Variants in UBE2Q2 observed in about 807,000 individuals in gnomAD.
The protein encoded by UBE2Q2 is ubiquitin conjugating enzyme E2 Q2.
In UBE2Q2, 54 loss-of-function variants were observed where a neutral mutation model predicts 59.9. The observed-to-expected ratio is 0.90, with a 90% confidence interval of 0.72 to 1.13. UBE2Q2 has a LOEUF of 1.13. Among genes scored for constraint, UBE2Q2 ranks in the 50% most tolerant of loss-of-function variants. The pLI is 0.00. For synonymous variants in UBE2Q2, 165 were observed against 155.2 expected (o/e 1.06, Z -0.47); for missense variants, 433 against 441.9 (o/e 0.98, Z 0.18).
chr15:75,875,448 A>C lies in UBE2Q2; in HGVS notation c.589-739A>C, dbSNP rs551802373. Among the ~76,000 whole-genome samples, 40 of 152,346 alleles carry C rather than the reference A, an allele frequency of 2.6e-4. 1 individual carries two copies. The South Asian group carries it at 8.1e-3, about 31-fold the overall frequency. ...GCACTGAAAAACTGAAACCAGTCGC[A>C]TGTAGGCAGATGTTTCTCAGTGTCT... On this transcript the variant is annotated intron_variant, in intron 5 of 12. Transcript: ENST00000267938.
rs895852068 is a variant in UBE2Q2, at chr15:75,876,194, T to C, written c.596T>C (p.Val199Ala). Reference protein sequence around the residue: ...TQRQDHLNGAVSGSVQASDRL... With the variant: ...TQRQDHLNGAASGSVQASDRL... ...GTGGCTTTTGTGTTTCAGGGTGCAG[T>C]GTCTGGGTCAGTGCAAGCTTCAGAT... is the stretch of plus-strand genomic sequence containing the variant. Residue 199 changes from valine to alanine, a missense_variant, in exon 6 of 13, where the codon GTG (valine) becomes GCG (alanine). Physicochemically the swap from Val to Ala is moderately conservative, Grantham distance 64. Coordinates refer to ENST00000267938, the MANE Select transcript of UBE2Q2 (RefSeq NM_173469.4). 4.3e-6 allele frequency: 7 copies of C among 1,613,900 alleles called. No homozygotes were observed. Among genetic ancestry groups the C allele is most frequent in the Non-Finnish European group, 5.9e-6 (7 of 1,179,898 alleles).
rs974408136 is a variant in UBE2Q2 at position 75,876,061 on chromosome 15, T to C, written c.589-126T>C. On this transcript the variant is annotated intron_variant, in intron 5 of 12. Transcript: ENST00000267938. ...GCCTGGGTAACAGGGCTAGACTCCA[T>C]CTCCAAAAAAAAAAAAAAAAAATGT... 2.8e-5 allele frequency: 19 copies of C among 669,068 alleles called. No individual in the cohort carries two copies. In the African/African-American group the frequency reaches 5.2e-4, roughly 18 times the overall value. 41.4% of individuals were successfully genotyped at this position (669,068 alleles called of 1,614,324 possible). A position where few individuals can be genotyped will look rare whatever the true frequency, so the allele number is the denominator to read the frequency against.
chr15:75,866,137 C>T (rs1897465282), intron 3 of UBE2Q2, among the ~76,000 whole-genome samples: 1 of 151,620 alleles, frequency 6.6e-6, no homozygotes, highest in African/African-American at 2.4e-5. Flanking sequence ...GTATGATTTT[C>T]TCTGTAACTG....
At chr15:75,867,173 AG>A (rs1567026067) in intron 3 of UBE2Q2, among the ~76,000 whole-genome samples, 1 of 152,180 alleles carries the variant, frequency 6.6e-6, no homozygotes, top group Non-Finnish European at 1.5e-5. Context: ...GCTAAAAGGA[AG>A]AGGTGGAGTC....
chr15:75,890,530 T>C, intron 10 of UBE2Q2, 47 bp downstream of exon 10: 1 of 1,543,102 alleles, frequency 6.5e-7, no homozygotes, highest in Non-Finnish European at 8.9e-7. Context: ...TTTAGTGTTT[T>C]GATCATGTAA....
At chr15:75,844,500 G>A (rs146115688) in intron 1 of UBE2Q2, 33,584 of 1,550,802 alleles carry the variant, frequency 0.022, 462 homozygotes, top group South Asian at 0.035. Flanking sequence ...TGTTGAGTGT[G>A]TATTCGTGTG....
chr15:75,884,767 T>C (rs1053661882), intron 9 of UBE2Q2, among the ~76,000 whole-genome samples: 15 of 152,064 alleles, frequency 9.9e-5, no homozygotes, highest in African/African-American at 3.6e-4. Flanking sequence ...TCAAGATATC[T>C]TCCCACCTCA....
intron 2 of UBE2Q2, among the ~76,000 whole-genome samples, chr15:75,858,624 G>A (rs2593280): frequency 0.8 from 121,782 of 151,990 alleles, 49,177 homozygotes; most frequent in South Asian, 0.9. Context: ...TTCGTGGAGA[G>A]TGTACTACCC....
At chr15:75,845,907 G>A (rs1401555287) in intron 1 of UBE2Q2, among the ~76,000 whole-genome samples, 2 of 152,218 alleles carry the variant, frequency 1.3e-5, no homozygotes, top group African/African-American at 4.8e-5. Context: ...GACACTTTCA[G>A]TACAAGGAGG....
At chr15:75,899,105 C>CAAA (rs34292081) in intron 12 of UBE2Q2, among the ~76,000 whole-genome samples, 3 of 111,078 alleles carry the variant, frequency 2.7e-5, no homozygotes, top group Admixed American at 1.9e-4. Flanking sequence ...TACTAAATAC[C>CAAA]AAAAAAAAAA....
intron 1 of UBE2Q2, 117 bp downstream of exon 1, chr15:75,843,963 G>T: frequency 7.1e-7 from 1 of 1,407,488 alleles, no homozygotes; most frequent in Non-Finnish European, 9.2e-7. Flanking sequence ...GGCGGGGCAG[G>T]CCCGCCCCTT....
chr15:75,876,066 A>C lies in UBE2Q2; in HGVS notation c.589-121A>C, dbSNP rs1595883252. The C allele has an allele frequency of 1.4e-5, 5 of 349,138 alleles. No homozygotes were observed. The East Asian group carries it at 3.9e-4, about 27-fold the overall frequency. 21.6% of individuals were successfully genotyped at this position (349,138 alleles called of 1,614,324 possible). A position where few individuals can be genotyped will look rare whatever the true frequency, so the allele number is the denominator to read the frequency against. ...GGTAACAGGGCTAGACTCCATCTCC[A>C]AAAAAAAAAAAAAAAAATGTTGAGT... On this transcript the variant is annotated intron_variant, in intron 5 of 12. Transcript: ENST00000267938.
Position 75,899,972 on chromosome 15 carries a change from C to T in UBE2Q2, c.*514C>T, listed in dbSNP as rs1899665395. ...GCCAAAATGTGATAGGAAACCTACT[C>T]ATTAAATTGTTAAACTTTTTAATGA... On this transcript the variant is annotated 3_prime_UTR_variant, in exon 13 of 13. Transcript: ENST00000267938. 6.5e-6 allele frequency: 1 copy of T among 152,790 alleles called. No individual in the cohort carries two copies. The highest frequency in any genetic ancestry group is 6.5e-5 in the Admixed American group (1 of 15,304). 9.5% of individuals were successfully genotyped at this position (152,790 alleles called of 1,614,324 possible). A position where few individuals can be genotyped will look rare whatever the true frequency, so the allele number is the denominator to read the frequency against.
intron 5 of UBE2Q2, 66 bp downstream of exon 5, chr15:75,873,634 A>G (rs750815578): frequency 7.2e-6 from 11 of 1,528,868 alleles, no homozygotes; most frequent in Non-Finnish European, 8.8e-6. Context: ...AATACCAGGC[A>G]ATTCATTAAC....
At chr15:75,890,531 G>T in intron 10 of UBE2Q2, 48 bp downstream of exon 10, 1 of 1,539,000 alleles carries the variant, frequency 6.5e-7, no homozygotes, top group South Asian at 1.2e-5. Flanking sequence ...TTAGTGTTTT[G>T]ATCATGTAAA....
chr15:75,870,840 T>C (rs918870492), intron 4 of UBE2Q2, among the ~76,000 whole-genome samples: 1 of 152,210 alleles, frequency 6.6e-6, no homozygotes, highest in Non-Finnish European at 1.5e-5. Flanking sequence ...GTGTTTCTAT[T>C]TGGTGTGATT....
intron 8 of UBE2Q2, among the ~76,000 whole-genome samples, chr15:75,883,141 T>A (rs1898535000): frequency 6.6e-6 from 1 of 152,214 alleles, no homozygotes; most frequent in Admixed American, 6.5e-5. Context: ...AACCCCTTCA[T>A]GTGTTTCATC....
chr15:75,859,271 A>G (rs1897089563), intron 2 of UBE2Q2, among the ~76,000 whole-genome samples: 1 of 152,202 alleles, frequency 6.6e-6, no homozygotes, highest in African/African-American at 2.4e-5. Flanking sequence ...CTAAATATCA[A>G]GTGTTACAGG....
intron 2 of UBE2Q2, among the ~76,000 whole-genome samples, chr15:75,856,269 G>GTGTATATATATATATATATATA (rs1256142539): frequency 3.6e-5 from 5 of 139,286 alleles, no homozygotes; most frequent in African/African-American, 1.1e-4. Context: ...GTGTGTGTGT[G>GTGTATATATATATATATATATA]TATATATATA....
Sources: gnomAD v4.1 joint callset for allele counts (sites outside exome capture counted in the v4.1 genomes callset) on GRCh38, gnomAD v4.1.1 for gene constraint, MANE v1.5 for transcripts, NCBI Gene and HGNC (gene_info 2026-07-23, HGNC 2026-07-21) for gene names.